Variants in SKIDA1 observed in about 807,000 individuals in gnomAD.
SKIDA1 encodes the protein SKI/DACH domain-containing protein 1.
Under a neutral mutation model 51.4 loss-of-function variants are expected in SKIDA1, and 18 were observed. That is an observed-to-expected ratio of 0.35 (90% CI 0.24 to 0.52). The LOEUF (loss-of-function observed/expected upper bound fraction) is 0.52, where lower values mean the gene tolerates loss of function less well. Ranked by LOEUF, SKIDA1 falls within the 20% of genes least tolerant of loss-of-function variation. SKIDA1 has a pLI of 0.95. For missense variants in SKIDA1, 1,104 were observed against 1,180.6 expected, an observed-to-expected ratio of 0.94 and a Z score of 0.95; for synonymous variants, 579 against 500.5, an observed-to-expected ratio of 1.16 and a Z score of -2.09.
chr10:21,522,562 A>G (rs1382549101), intron 2 of SKIDA1, among the ~76,000 whole-genome samples: 1 of 152,244 alleles, frequency 6.6e-6, no homozygotes, highest in Non-Finnish European at 1.5e-5. Flanking sequence ...AGCTAAGTTT[A>G]TCTAATATCA....
intron 2 of SKIDA1, among the ~76,000 whole-genome samples, chr10:21,522,704 T>TA (rs1424293911): frequency 6.6e-6 from 1 of 152,144 alleles, no homozygotes; most frequent in African/African-American, 2.4e-5. Flanking sequence ...CAAATCAGGG[T>TA]AAGTCTCCAA....
In SKIDA1 at chr10:21,516,911, C is replaced by CGGGTGTTT; in HGVS notation, c.911_912insAAACACCC (p.Ala305AsnfsTer244). ...CCGCTGCCGCCGCCGCCGCCGCCGCCGCCGCCTTGGCTTTGTAGGACCTGG... is the reference window on the plus strand; with the variant it reads ...CCGCTGCCGCCGCCGCCGCCGCCGCCGGGTGTTTGCCGCCTTGGCTTTGTAGGACCTGG... On this transcript the variant is annotated frameshift_variant, in exon 4 of 4. Coordinates refer to ENST00000449193, the MANE Select transcript of SKIDA1 (RefSeq NM_207371.4). LOFTEE classifies it high-confidence loss of function. This position sits in a 1 kb window ranked among gnomAD's most constrained non-coding sequence, Gnocchi z 5.7. 1.7e-6 allele frequency: 2 copies of CGGGTGTTT among 1,200,386 alleles called. No individual in the cohort carries two copies. The highest frequency in any genetic ancestry group is 2.1e-6 in the Non-Finnish European group (2 of 970,664). The allele number at this position is 1,200,386 out of a possible 1,614,324, so 74.4% of individuals were successfully genotyped here. A position where few individuals can be genotyped will look rare whatever the true frequency, so the allele number is the denominator to read the frequency against.
At position 21,519,428 on chromosome 10, in the gene SKIDA1, GT is replaced by G. The variant is rs1190249938; in HGVS notation, c.-1607del. 1 of 167,034 alleles carries G rather than the reference GT, an allele frequency of 6.0e-6. No homozygotes were observed. The highest frequency in any genetic ancestry group is 1.5e-5 in the Non-Finnish European group (1 of 68,126). The allele number at this position is 167,034 out of a possible 1,614,324, so 10.3% of individuals were successfully genotyped here. On this transcript the variant is annotated 5_prime_UTR_variant, in exon 4 of 4. The change creates a premature stop within an existing upstream ORF in the 5' untranslated region. Coordinates refer to ENST00000449193, the MANE Select transcript of SKIDA1 (RefSeq NM_207371.4). ...TCAAATTAAGGCAAATTTTGGTGTC[GT>G]TTTCAAGGATATCCAAAATATTGCC...
rs1275313032 is a variant in SKIDA1, at chr10:21,515,713, T to C, written c.2110A>G (p.Thr704Ala). The C allele has an allele frequency of 1.2e-6, 2 of 1,614,056 alleles. No individual in the cohort carries two copies. Among genetic ancestry groups the C allele is most frequent in the South Asian group, 2.2e-5 (2 of 91,084 alleles). The change falls in exon 4 of 4, where the codon ACA becomes GCA. Residue 704 changes from threonine to alanine, a missense_variant. Physicochemically the swap from Thr to Ala is moderately conservative, Grantham distance 58. Transcript: ENST00000449193. ...ANEEYEPHLF[T>A]NKLKCECNDT... is the part of the protein sequence containing the mutation. The stretch of plus-strand genomic sequence containing the variant: ...TTGCACTCGCACTTTAGCTTATTTG[T>C]AAAAAGGTGAGGTTCATATTCTTCA...
In SKIDA1 at chr10:21,517,289, G is replaced by A. The variant is rs2032270648; in HGVS notation, c.534C>T (p.Gly178=). ...AGCGCACGATCTCCGGGTAGTGCGA[G>A]CCGGGGTATTTGCTAAAAATCTGAG... ...HLPQIFSKYP[G]SHYPEIVRSP... Residue 178 remains glycine (G), a synonymous_variant, in exon 4 of 4, where the codon GGC becomes GGT. Coordinates refer to ENST00000449193, the MANE Select transcript of SKIDA1 (RefSeq NM_207371.4). This position sits in a 1 kb window ranked among gnomAD's most constrained non-coding sequence, Gnocchi z 6.9. 6.8e-7 allele frequency: 1 copy of A among 1,467,842 alleles called. No individual in the cohort carries two copies. The highest frequency in any genetic ancestry group is 9.0e-7 in the Non-Finnish European group (1 of 1,107,364). 90.9% of individuals were successfully genotyped at this position (1,467,842 alleles called of 1,614,324 possible). A position where few individuals can be genotyped will look rare whatever the true frequency, so the allele number is the denominator to read the frequency against.
Position 21,516,294 on chromosome 10 carries a change from C to T in SKIDA1, c.1529G>A (p.Ser510Asn), listed in dbSNP as rs570307343. ...CGCCGGCGACTCCGCTTTGACACTA[C>T]TCTTGAGGTCGGGAAGTCTGCCGGC... is the stretch of plus-strand genomic sequence containing the variant. ...EDAGRLPDLKSSVKAESPAEW... is the reference protein window; with the variant it reads ...EDAGRLPDLKNSVKAESPAEW... Residue 510 changes from serine (S) to asparagine (N), a missense_variant, in exon 4 of 4, where the codon AGT (serine) becomes AAT (asparagine). Ser to Asn is a conservative substitution (Grantham distance 46). This residue lies in a region of SKIDA1 where 938 missense variants were observed against 886.4 expected (regional missense o/e 1.06). Transcript: ENST00000449193. The surrounding 1 kb of genome is among the most constrained non-coding windows in gnomAD (Gnocchi z 5.7). The T allele has an allele frequency of 1.5e-5, 24 of 1,613,870 alleles. No homozygotes were observed. Among genetic ancestry groups the T allele is most frequent in the Middle Eastern group, 3.3e-4 (2 of 6,062 alleles).
Position 21,516,896 on chromosome 10 carries a change from C to CGAAAATAAGCA in SKIDA1, c.926_927insTGCTTATTTTC (p.Ala311TyrfsTer239). On this transcript the variant is annotated frameshift_variant, in exon 4 of 4. Transcript: ENST00000449193. LOFTEE classifies it high-confidence loss of function. This position sits in a 1 kb window ranked among gnomAD's most constrained non-coding sequence, Gnocchi z 5.7. ...CGGCGGCCGCCGCCGCCGCTGCCGC[C>CGAAAATAAGCA]GCCGCCGCCGCCGCCGCCGCCTTGG... 8.8e-7 allele frequency: 1 copy of CGAAAATAAGCA among 1,140,356 alleles called. No homozygotes were observed. Among genetic ancestry groups the CGAAAATAAGCA allele is most frequent in the Non-Finnish European group, 1.1e-6 (1 of 932,974 alleles). 70.6% of individuals were successfully genotyped at this position (1,140,356 alleles called of 1,614,324 possible).
intron 3 of SKIDA1, among the ~76,000 whole-genome samples, chr10:21,519,940 A>C (rs1173692145): frequency 6.6e-6 from 1 of 151,582 alleles, no homozygotes; most frequent in South Asian, 2.1e-4. Flanking sequence ...TATTTAAGAG[A>C]GTCTGTAACT....
intron 2 of SKIDA1, among the ~76,000 whole-genome samples, chr10:21,521,763 A>C (rs2032402605): frequency 6.6e-6 from 1 of 152,236 alleles, no homozygotes; most frequent in Non-Finnish European, 1.5e-5. Flanking sequence ...TTGAAAACAA[A>C]GCTGCTTGCA....
In SKIDA1 at chr10:21,518,889, C is replaced by G. The variant is rs1264701190; in HGVS notation, c.-1067G>C. The G allele has an allele frequency of 6.3e-6, 1 of 159,368 alleles. No homozygotes were observed. The highest frequency in any genetic ancestry group is 2.6e-5 in the African/African-American group (1 of 38,888). The allele number at this position is 159,368 out of a possible 1,614,324, so 9.9% of individuals were successfully genotyped here. A position where few individuals can be genotyped will look rare whatever the true frequency, so the allele number is the denominator to read the frequency against. On this transcript the variant is annotated 5_prime_UTR_variant, in exon 4 of 4. Coordinates refer to ENST00000449193, the MANE Select transcript of SKIDA1 (RefSeq NM_207371.4). ...TTTTTCCTGAAATGCCTTTTTACAA[C>G]CAGAAACAAAGTTATTTGACCAAGG...
chr10:21,522,639 C>T (rs2032434939), intron 2 of SKIDA1, among the ~76,000 whole-genome samples: 1 of 152,034 alleles, frequency 6.6e-6, no homozygotes, highest in Non-Finnish European at 1.5e-5. Flanking sequence ...AATTGAGAAA[C>T]AAATGATAAC....
At position 21,516,921 on chromosome 10, in the gene SKIDA1, G is replaced by T. The variant is rs2032243210; in HGVS notation, c.902C>A (p.Ala301Asp). 1 of 1,115,988 alleles carries T rather than the reference G, an allele frequency of 9.0e-7. No individual in the cohort carries two copies. The highest frequency in any genetic ancestry group is 1.1e-6 in the Non-Finnish European group (1 of 916,746). 69.1% of individuals were successfully genotyped at this position (1,115,988 alleles called of 1,614,324 possible). ...CGCCGCCGCCGCCGCCGCCGCCTTG[G>T]CTTTGTAGGACCTGGGCAACAGCAG... ...RLLLLPRSYK[A>D]KAAAAAAAAA... The change falls in exon 4 of 4, where the codon GCC becomes GAC. Residue 301 changes from alanine (A) to aspartate (D), a missense_variant. Ala to Asp is a moderately radical substitution (Grantham distance 126). Coordinates refer to ENST00000449193, the MANE Select transcript of SKIDA1 (RefSeq NM_207371.4). The surrounding 1 kb of genome is among the most constrained non-coding windows in gnomAD (Gnocchi z 5.7).
At chr10:21,524,337 T>C (rs2032555324) in intron 1 of SKIDA1, among the ~76,000 whole-genome samples, 1 of 151,302 alleles carries the variant, frequency 6.6e-6, no homozygotes, top group African/African-American at 2.5e-5. Flanking sequence ...ACTACATCTG[T>C]CTAAGCAGCG....
Position 21,517,003 on chromosome 10 carries a change from T to C in SKIDA1, c.820A>G (p.Lys274Glu). The part of the protein sequence containing the change: ...PGSLSYRCKR[K>E]RGGAKDCLLA... ...AGGCAGTCCTTGGCGCCGCCGCGCT[T>C]GCGCTTGCAGCGGTAGCTCAGGCTC... The change falls in exon 4 of 4, where the codon AAG (lysine) becomes GAG (glutamate). Residue 274 changes from lysine to glutamate, a missense_variant. By Grantham distance (56) the Lys-to-Glu change is moderately conservative. Transcript: ENST00000449193. The surrounding 1 kb of genome is among the most constrained non-coding windows in gnomAD (Gnocchi z 6.9). 1 of 1,121,900 alleles carries C rather than the reference T, an allele frequency of 8.9e-7. No homozygotes were observed. Among genetic ancestry groups the C allele is most frequent in the Non-Finnish European group, 1.1e-6 (1 of 920,070 alleles). The allele number at this position is 1,121,900 out of a possible 1,614,324, so 69.5% of individuals were successfully genotyped here.
rs1419383259 is a variant in SKIDA1, at chr10:21,517,115, G to GGCGGCA, written c.702_707dup (p.Ala243_Ala244dup). The GGCGGCA allele has an allele frequency of 6.1e-5, 64 of 1,044,424 alleles. No homozygotes were observed. The highest frequency in any genetic ancestry group is 7.8e-5 in the East Asian group (1 of 12,834). The allele number at this position is 1,044,424 out of a possible 1,614,324, so 64.7% of individuals were successfully genotyped here. ...AGGCGGCGGCGGCGGCGGCGGCGGC[G>GGCGGCA]GCGGCAGCAGCGGCGGCGGCGGCGG... On this transcript the variant is annotated inframe_insertion, in exon 4 of 4. Coordinates refer to ENST00000449193, the MANE Select transcript of SKIDA1 (RefSeq NM_207371.4). The surrounding 1 kb of genome is among the most constrained non-coding windows in gnomAD (Gnocchi z 6.9).
chr10:21,522,704 TAA>T (rs1564338796), intron 2 of SKIDA1, among the ~76,000 whole-genome samples: 1 of 152,144 alleles, frequency 6.6e-6, no homozygotes, highest in Non-Finnish European at 1.5e-5. Context: ...CAAATCAGGG[TAA>T]GTCTCCAAAA....
rs1251048796 is a variant in SKIDA1 at position 21,515,334 on chromosome 10, T to C, written c.2489A>G (p.Lys830Arg). 3 of 1,614,068 alleles carry C rather than the reference T, an allele frequency of 1.9e-6. No individual in the cohort carries two copies. In the South Asian group the frequency reaches 3.3e-5, roughly 18 times the overall value. Residue 830 changes from lysine to arginine, a missense_variant, in exon 4 of 4, where the codon AAA (lysine) becomes AGA (arginine). Lys to Arg is a conservative substitution (Grantham distance 26). Transcript: ENST00000449193. ...LDDFTVINRR[K>R]KVASNVASAV... ...TGATGCTACATTGCTGGCTACCTTT[T>C]TGCGTCTGTTTATAACTGTAAAATC...
chr10:21,517,825 C>A lies in SKIDA1; in HGVS notation c.-3G>T. On this transcript the variant is annotated 5_prime_UTR_variant, in exon 4 of 4. Coordinates refer to ENST00000449193, the MANE Select transcript of SKIDA1 (RefSeq NM_207371.4). This position sits in a 1 kb window ranked among gnomAD's most constrained non-coding sequence, Gnocchi z 6.9. ...AAACCTGACTTCAGGTCTCCCATCTCGGGCACTAAATGATCCCCACCATTT... is the reference window on the plus strand; with the variant it reads ...AAACCTGACTTCAGGTCTCCCATCTAGGGCACTAAATGATCCCCACCATTT... 1 of 1,600,208 alleles carries A rather than the reference C, an allele frequency of 6.2e-7. No individual in the cohort carries two copies. The highest frequency in any genetic ancestry group is 8.5e-7 in the Non-Finnish European group (1 of 1,169,860).
chr10:21,517,572 G>C lies in SKIDA1; in HGVS notation c.251C>G (p.Ser84Cys), dbSNP rs1464264612. 1 of 1,610,706 alleles carries C rather than the reference G, an allele frequency of 6.2e-7. No individual in the cohort carries two copies. Among genetic ancestry groups the C allele is most frequent in the Non-Finnish European group, 8.5e-7 (1 of 1,178,502 alleles). The part of the protein sequence containing the change: ...AFHAAKCTLI[S>C]REDVEALYTS... ...GTAGAGCGCTTCCACGTCTTCCCGG[G>C]AGATGAGCGTGCATTTGGCGGCGTG... The change falls in exon 4 of 4, where the codon TCC becomes TGC. Residue 84 changes from serine to cysteine, a missense_variant. Physicochemically the swap from Ser to Cys is moderately radical, Grantham distance 112 (BLOSUM62 -1). Transcript: ENST00000449193. The surrounding 1 kb of genome is among the most constrained non-coding windows in gnomAD (Gnocchi z 6.9).
Sources: allele counts gnomAD v4.1 joint callset (sites outside exome capture counted in the v4.1 genomes callset), GRCh38; gene constraint gnomAD v4.1.1; regional missense constraint gnomAD v4.1.1; non-coding constraint Gnocchi (gnomAD v3.1); transcripts MANE v1.5; gene names NCBI Gene and HGNC (gene_info 2026-07-23, HGNC 2026-07-21).